Variants in WWC2 observed in about 807,000 individuals in gnomAD.
The protein encoded by WWC2 is protein WWC2.
A neutral mutation model predicts 138.5 loss-of-function variants in WWC2; 101 were observed. The observed-to-expected ratio is 0.73, with a 90% CI of 0.62 to 0.86. WWC2 has a LOEUF of 0.86. WWC2 is among the 40% of genes least tolerant of loss of function. WWC2 has a pLI of 0.00. For missense variants in WWC2, 1,420 were observed against 1,419.4 expected (o/e 1.00, Z -0.01); for synonymous variants, 558 against 538.4 (o/e 1.04, Z -0.50).
At position 183,268,721 on chromosome 4, in the gene WWC2, G is replaced by T. The variant is rs534560870; in HGVS notation, c.2208-250G>T. Among the ~76,000 whole-genome samples, 5 of 152,256 alleles carry T rather than the reference G, an allele frequency of 3.3e-5. No homozygotes were observed. In the South Asian group the frequency reaches 1.0e-3, roughly 32 times the overall value. The stretch of plus-strand genomic sequence containing the variant: ...CTTCCTCTTCACTTTCCTATCATGT[G>T]CCTTTGCTGCAGTCTCGTGGTGAGT... On this transcript the variant is annotated intron_variant, in intron 14 of 22. Coordinates refer to ENST00000403733, the MANE Select transcript of WWC2 (RefSeq NM_024949.6).
intron 11 of WWC2, 49 bp from the exon 12 acceptor site, chr4:183,264,928 CT>C (rs761410866): frequency 1.3e-6 from 2 of 1,552,332 alleles, no homozygotes; most frequent in Admixed American, 1.9e-5. Flanking sequence ...TAATACTTAA[CT>C]TTTCCAAATA....
At chr4:183,167,402 G>T (rs1734157616) in intron 1 of WWC2, among the ~76,000 whole-genome samples, 1 of 152,178 alleles carries the variant, frequency 6.6e-6, no homozygotes, top group Non-Finnish European at 1.5e-5. Context: ...GAGAAGTGTG[G>T]CAGAGATTTA....
intron 21 of WWC2, among the ~76,000 whole-genome samples, chr4:183,298,799 G>A (rs1738724337): frequency 6.6e-6 from 1 of 152,136 alleles, no homozygotes; most frequent in African/African-American, 2.4e-5. Context: ...GTATAAATAA[G>A]GATTCAGAGA....
At chr4:183,292,962 G>A (rs1263554935) in intron 21 of WWC2, among the ~76,000 whole-genome samples, 1 of 152,172 alleles carries the variant, frequency 6.6e-6, no homozygotes, top group Non-Finnish European at 1.5e-5. Context: ...TCTTTGGTTT[G>A]GTTTTTTGAG....
At chr4:183,164,316 TA>T (rs1561443759) in intron 1 of WWC2, among the ~76,000 whole-genome samples, 504 of 1,222 alleles carry the variant, frequency 0.41, 50 homozygotes, top group Middle Eastern at 0.5. Context: ...ATATATTATA[TA>T]TACATATATA....
chr4:183,144,692 A>G (rs1311807066), intron 1 of WWC2, among the ~76,000 whole-genome samples: 2 of 152,182 alleles, frequency 1.3e-5, no homozygotes, highest in Non-Finnish European at 2.9e-5. Context: ...GCGATGTCTT[A>G]CTAATAAGAG....
chr4:183,304,744 G>T (rs182876580), intron 21 of WWC2, among the ~76,000 whole-genome samples: 1 of 152,164 alleles, frequency 6.6e-6, no homozygotes, highest in East Asian at 1.9e-4. Flanking sequence ...ACTGAAACCT[G>T]TTCATAGAGC....
At chr4:183,210,912 G>A (rs1415281454) in intron 4 of WWC2, among the ~76,000 whole-genome samples, 1 of 152,192 alleles carries the variant, frequency 6.6e-6, no homozygotes, top group Non-Finnish European at 1.5e-5. Context: ...TGGACATGTG[G>A]CACCTGACTG....
intron 11 of WWC2, among the ~76,000 whole-genome samples, chr4:183,261,808 T>C (rs1187150058): frequency 6.6e-6 from 1 of 152,234 alleles, no homozygotes; most frequent in East Asian, 1.9e-4. Flanking sequence ...TGGGAACATA[T>C]GTTGTGAACA....
intron 9 of WWC2, among the ~76,000 whole-genome samples, chr4:183,256,593 C>G (rs763279454): frequency 6.6e-6 from 1 of 152,148 alleles, no homozygotes; most frequent in Non-Finnish European, 1.5e-5. Flanking sequence ...AGTGTCAAAG[C>G]AGGGCTGGCT....
chr4:183,241,872 C>T (rs1441312264), intron 5 of WWC2, among the ~76,000 whole-genome samples: 1 of 152,182 alleles, frequency 6.6e-6, no homozygotes. Context: ...TTATAACTCG[C>T]GTCACCATTT....
At chr4:183,114,088 G>C (rs1423140608) in intron 1 of WWC2, among the ~76,000 whole-genome samples, 1 of 152,156 alleles carries the variant, frequency 6.6e-6, no homozygotes, top group African/African-American at 2.4e-5. Context: ...ATTGTAATTT[G>C]TAATTCCTAG....
intron 1 of WWC2, among the ~76,000 whole-genome samples, chr4:183,158,031 T>C (rs1733856258): frequency 6.6e-6 from 1 of 152,132 alleles, no homozygotes; most frequent in South Asian, 2.1e-4. Context: ...CACCTTAGTA[T>C]TTTCACATTT....
intron 1 of WWC2, among the ~76,000 whole-genome samples, chr4:183,121,961 A>G (rs1732613405): frequency 1.3e-5 from 2 of 151,182 alleles, no homozygotes; most frequent in Non-Finnish European, 2.9e-5. Context: ...AATTTTTTGT[A>G]TTTTTAGTAG....
At chr4:183,306,623 T>C (rs898439292) in intron 21 of WWC2, among the ~76,000 whole-genome samples, 16 of 151,760 alleles carry the variant, frequency 1.1e-4, no homozygotes, top group Non-Finnish European at 1.5e-5. Flanking sequence ...GGCTCCCAGG[T>C]TCAAGTGATT....
At chr4:183,305,122 TTGA>T (rs1453255942) in intron 21 of WWC2, among the ~76,000 whole-genome samples, 2 of 152,058 alleles carry the variant, frequency 1.3e-5, no homozygotes, top group African/African-American at 4.8e-5. Flanking sequence ...AAAAATAACT[TTGA>T]TGGACTCACG....
intron 1 of WWC2, among the ~76,000 whole-genome samples, chr4:183,121,114 AGGCTGAGGTGGGAAGTCAAG>A (rs1732586827): frequency 6.6e-6 from 1 of 151,966 alleles, no homozygotes; most frequent in African/African-American, 2.4e-5. Context: ...GCTACTTGGG[AGGCTGAGGTGGGAAGTCAAG>A]GCTGCAGTAA....
chr4:183,099,363 G>T lies in WWC2; in HGVS notation c.-129G>T. On this transcript the variant is annotated 5_prime_UTR_variant, in exon 1 of 23. Transcript: ENST00000403733. Reference sequence around the variant, plus strand: ...CGCGCGTGGTTCCGCCGCGCCCCGCGCCCTGCGCCCCTCAGCCCCTCGCCG... The same window carrying T: ...CGCGCGTGGTTCCGCCGCGCCCCGCTCCCTGCGCCCCTCAGCCCCTCGCCG... 2.0e-6 allele frequency: 2 copies of T among 989,922 alleles called. No individual in the cohort carries two copies. Among genetic ancestry groups the T allele is most frequent in the Non-Finnish European group, 2.5e-6 (2 of 792,430 alleles). 61.3% of individuals were successfully genotyped at this position (989,922 alleles called of 1,614,324 possible). A position where few individuals can be genotyped will look rare whatever the true frequency, so the allele number is the denominator to read the frequency against.
intron 1 of WWC2, among the ~76,000 whole-genome samples, chr4:183,186,319 T>C (rs1734799266): frequency 6.6e-6 from 1 of 152,214 alleles, no homozygotes; most frequent in Non-Finnish European, 1.5e-5. Context: ...GCATGAGCCA[T>C]GTGCTTTTTC....
Sources: allele counts gnomAD v4.1 joint callset (sites outside exome capture counted in the v4.1 genomes callset), GRCh38; gene constraint gnomAD v4.1.1; transcripts MANE v1.5; gene names NCBI Gene and HGNC (gene_info 2026-07-23, HGNC 2026-07-21).